VASH2: variants seen among roughly 807,000 people sequenced by gnomAD.
The protein encoded by VASH2 is vasohibin 2.
In VASH2, 28 loss-of-function variants were observed where a neutral mutation model predicts 37.2. The ratio of observed to expected loss-of-function variants is 0.75; its 90% CI spans 0.56 to 1.03. The LOEUF (loss-of-function observed/expected upper bound fraction) is 1.03, where lower values mean the gene tolerates loss of function less well. Ranked by LOEUF, VASH2 falls within the 50% of genes least tolerant of loss-of-function variation. The pLI, the probability that VASH2 is intolerant of heterozygous loss-of-function variation, is 0.00. For synonymous variants in VASH2, 188 were observed against 174.7 expected, an observed-to-expected ratio of 1.08 and a Z score of -0.60; for missense variants, 419 against 459.1, an observed-to-expected ratio of 0.91 and a Z score of 0.80.
chr1:212,976,839 C>T (rs956415952), intron 7 of VASH2, among the ~76,000 whole-genome samples: 6 of 152,120 alleles, frequency 3.9e-5, no homozygotes, highest in Non-Finnish European at 7.3e-5. Context: ...AGGGAGTGGT[C>T]GCCTGAGGTC....
intron 7 of VASH2, among the ~76,000 whole-genome samples, chr1:212,985,573 T>C (rs1667455648): frequency 1.3e-5 from 2 of 152,026 alleles, no homozygotes; most frequent in South Asian, 4.2e-4. Context: ...TGCGCCATCA[T>C]ACCCGGCTGT....
intron 3 of VASH2, among the ~76,000 whole-genome samples, chr1:212,962,322 A>G (rs1666705403): frequency 6.6e-6 from 1 of 152,244 alleles, no homozygotes; most frequent in South Asian, 2.1e-4. Context: ...GCTGGACCCC[A>G]GCACATTGTC....
intron 7 of VASH2, among the ~76,000 whole-genome samples, chr1:212,981,440 C>G (rs1054324453): frequency 3.9e-5 from 6 of 152,206 alleles, no homozygotes; most frequent in African/African-American, 1.4e-4. Context: ...TGCGGCCTAC[C>G]CAGACCGGCC....
chr1:212,981,441 C>G (rs892942596), intron 7 of VASH2, among the ~76,000 whole-genome samples: 1 of 152,192 alleles, frequency 6.6e-6, no homozygotes, highest in Non-Finnish European at 1.5e-5. Flanking sequence ...GCGGCCTACC[C>G]AGACCGGCCG....
Position 212,961,392 on chromosome 1 carries a change from G to A in VASH2, c.365+138G>A, listed in dbSNP as rs537115849. 5.0e-4 allele frequency: 755 copies of A among 1,521,446 alleles called. 2 individuals are homozygous for A. The highest frequency in any genetic ancestry group is 6.1e-4 in the Middle Eastern group (3 of 4,958). 94.2% of individuals were successfully genotyped at this position (1,521,446 alleles called of 1,614,324 possible). On this transcript the variant is annotated intron_variant, in intron 3 of 7. Transcript: ENST00000517399. Reference sequence around the variant, plus strand: ...GAGGCCAGGCATGGAGGGATGTCCCGGGTGGGAGTCTAGAAAGAGTGTGCG... The same window carrying A: ...GAGGCCAGGCATGGAGGGATGTCCCAGGTGGGAGTCTAGAAAGAGTGTGCG...
intron 7 of VASH2, 111 bp from the exon 8 acceptor site, chr1:212,988,401 G>A: frequency 9.1e-7 from 1 of 1,096,958 alleles, no homozygotes; most frequent in Non-Finnish European, 1.4e-6. Flanking sequence ...ATGGGAGGAT[G>A]AGACAAATAT....
chr1:212,960,524 C>T (rs890866116), intron 2 of VASH2, among the ~76,000 whole-genome samples: 2 of 152,134 alleles, frequency 1.3e-5, no homozygotes, highest in African/African-American at 4.8e-5. Context: ...TGCCATGTTG[C>T]AATTCGCTAG....
intron 7 of VASH2, among the ~76,000 whole-genome samples, chr1:212,981,837 C>T (rs1017120414): frequency 2.6e-5 from 4 of 152,222 alleles, no homozygotes; most frequent in African/African-American, 9.7e-5. Flanking sequence ...CTCCCAGATA[C>T]ACCCCTATGC....
At chr1:212,988,475 C>T (rs766805708) in intron 7 of VASH2, 37 bp from the exon 8 acceptor site, 58 of 1,606,686 alleles carry the variant, frequency 3.6e-5, no homozygotes, top group Non-Finnish European at 4.4e-5. Context: ...TTGCCCCATC[C>T]CCTCTCCTCC....
Position 212,990,016 on chromosome 1 carries a change from A to C in VASH2, c.*1432A>C, listed in dbSNP as rs1279014289. The C allele has an allele frequency of 6.6e-6, 1 of 152,036 alleles. No homozygotes were observed. The highest frequency in any genetic ancestry group is 6.6e-5 in the Admixed American group (1 of 15,246). 9.4% of individuals were successfully genotyped at this position (152,036 alleles called of 1,614,324 possible). ...ACAGATGTTATTTCAGTCTCAGTGC[A>C]TCTCCTCTGGCTTTCTTTGACTGAA... On this transcript the variant is annotated 3_prime_UTR_variant, in exon 8 of 8. Transcript: ENST00000517399.
chr1:212,956,596 G>C (rs1251200796), intron 2 of VASH2, among the ~76,000 whole-genome samples: 1 of 152,174 alleles, frequency 6.6e-6, no homozygotes, highest in South Asian at 2.1e-4. Context: ...CAGAAAAAAG[G>C]GATATGCCCT....
chr1:212,982,171 G>A (rs2102657712), intron 7 of VASH2, among the ~76,000 whole-genome samples: 1 of 152,298 alleles, frequency 6.6e-6, no homozygotes, highest in African/African-American at 2.4e-5. Flanking sequence ...TTGGGGCCAG[G>A]CCATCAAGCT....
intron 7 of VASH2, among the ~76,000 whole-genome samples, chr1:212,987,347 AG>A (rs1376492773): frequency 6.6e-6 from 1 of 151,652 alleles, no homozygotes; most frequent in Admixed American, 6.6e-5. Flanking sequence ...AGACCGAGGC[AG>A]GCAGATCACC....
chr1:212,951,571 G>C lies in VASH2; in HGVS notation c.29G>C (p.Arg10Pro). MTGSAADTH[R>P]CPHPKGAKGT... ...ACCGGCTCCGCGGCCGACACTCACC[G>C]CTGCCCCCACCCCAAAGGCGCCAAA... The change falls in exon 2 of 8, where the codon CGC becomes CCC. Residue 10 changes from arginine (R) to proline (P), a missense_variant. Around this residue, in one of 3 missense-constraint regions of VASH2, gnomAD observed 158 missense variants for 163.0 expected, o/e 0.97. Coordinates refer to ENST00000517399, the MANE Select transcript of VASH2 (RefSeq NM_001301056.2). The surrounding 1 kb of genome is among the most constrained non-coding windows in gnomAD (Gnocchi z 4.4). The C allele has an allele frequency of 6.5e-7, 1 of 1,538,268 alleles. No homozygotes were observed. Among genetic ancestry groups the C allele is most frequent in the Admixed American group, 2.0e-5 (1 of 50,758 alleles).
At chr1:212,970,898 G>GAAA (rs111890314) in intron 5 of VASH2, among the ~76,000 whole-genome samples, 6 of 143,540 alleles carry the variant, frequency 4.2e-5, no homozygotes, top group East Asian at 2.0e-4. Flanking sequence ...TCAAAAAAAT[G>GAAA]AAAAAAAAAA....
intron 7 of VASH2, among the ~76,000 whole-genome samples, chr1:212,983,572 C>T (rs1667396885): frequency 6.6e-6 from 1 of 152,208 alleles, no homozygotes; most frequent in South Asian, 2.1e-4. Context: ...CACCGAGGAT[C>T]GAGTTTCCAA....
rs2075826637 is a variant in VASH2 at position 212,988,961 on chromosome 1, C to T, written c.*377C>T. ...GAACTTTTGGTATAGTAAGGTAACTCTAACAGTATTACTGTCTTTTTCAGC... is the reference window on the plus strand; with the variant it reads ...GAACTTTTGGTATAGTAAGGTAACTTTAACAGTATTACTGTCTTTTTCAGC... On this transcript the variant is annotated 3_prime_UTR_variant, in exon 8 of 8. Transcript: ENST00000517399. 1 of 203,478 alleles carries T rather than the reference C, an allele frequency of 4.9e-6. No individual in the cohort carries two copies. The highest frequency in any genetic ancestry group is 1.0e-5 in the Non-Finnish European group (1 of 96,246). 12.6% of individuals were successfully genotyped at this position (203,478 alleles called of 1,614,324 possible).
intron 3 of VASH2, among the ~76,000 whole-genome samples, chr1:212,962,386 A>T (rs1288100857): frequency 6.6e-6 from 1 of 151,916 alleles, no homozygotes; most frequent in African/African-American, 2.4e-5. Context: ...TGTATAAAAC[A>T]TAGCCTGTTC....
chr1:212,979,470 A>G (rs1037544251), intron 7 of VASH2, among the ~76,000 whole-genome samples: 22 of 152,194 alleles, frequency 1.4e-4, no homozygotes, highest in African/African-American at 3.9e-4. Context: ...GAAAATTACC[A>G]TAACAGGCGA....
Sources: allele counts gnomAD v4.1 joint callset (sites outside exome capture counted in the v4.1 genomes callset), GRCh38; gene constraint gnomAD v4.1.1; regional missense constraint gnomAD v4.1.1; non-coding constraint Gnocchi (gnomAD v3.1); transcripts MANE v1.5; gene names NCBI Gene and HGNC (gene_info 2026-07-23, HGNC 2026-07-21).